TTN: variants seen among roughly 807,000 people sequenced by gnomAD.
The protein encoded by TTN is titin.
TTN carries 1,525 observed loss-of-function variants against 3,223.0 expected under a neutral mutation model. The ratio of observed to expected loss-of-function variants is 0.47; its 90% CI spans 0.45 to 0.49. TTN has a LOEUF of 0.49. Among genes scored for constraint, TTN ranks in the 20% least tolerant of loss-of-function variants. The pLI is 0.00. For synonymous variants in TTN, 14,094 were observed against 15,161.0 expected (o/e 0.93, Z 5.17); for missense variants, 40,786 against 43,424.0 (o/e 0.94, Z 5.40).
At position 178,652,393 on chromosome 2, in the gene TTN, C is replaced by T. The variant is rs1355479190; in HGVS notation, c.39128-46G>A. 3 of 1,612,680 alleles carry T rather than the reference C, an allele frequency of 1.9e-6. No homozygotes were observed. The African/African-American group carries it at 4.0e-5, about 22-fold the overall frequency. On this transcript the variant is annotated intron_variant, in intron 202 of 362. Coordinates refer to ENST00000589042, the MANE Select transcript of TTN (RefSeq NM_001267550.2). ...TTACATTTAGGCATTATGAAGACCA[C>T]TAGAAAAATACTTTCCAGAGCAGAA...
chr2:178,710,926 A>G lies in TTN; in HGVS notation c.28175-4T>C, dbSNP rs962561279. 6.2e-7 allele frequency: 1 copy of G among 1,607,396 alleles called. No individual in the cohort carries two copies. Among genetic ancestry groups the G allele is most frequent in the African/African-American group, 1.3e-5 (1 of 74,700 alleles). ...AAGAAGGGTGGGTTCTTCCCCTCTA[A>G]TAGTAGAGCAGAAAGACAAGGTTTC... On this transcript the variant is annotated splice_region_variant and splice_polypyrimidine_tract_variant and intron_variant, in intron 97 of 362. Coordinates refer to ENST00000589042, the MANE Select transcript of TTN (RefSeq NM_001267550.2).
Position 178,728,646 on chromosome 2 carries a change from G to T in TTN, c.19280C>A (p.Pro6427His). 6.2e-7 allele frequency: 1 copy of T among 1,613,234 alleles called. No individual in the cohort carries two copies. Among genetic ancestry groups the T allele is most frequent in the South Asian group, 1.1e-5 (1 of 91,056 alleles). The stretch of plus-strand genomic sequence containing the variant: ...AAAACTCATTGAAAAGTATCTACTG[G>T]GAACTATTTGTTTCCCGTCTTTAAG... ...KWLKDGKQIV[P>H]SRYFSMSFEN... The change falls in exon 66 of 363, where the codon CCC becomes CAC. Residue 6427 changes from proline to histidine, a missense_variant. Coordinates refer to ENST00000589042, the MANE Select transcript of TTN (RefSeq NM_001267550.2).
Position 178,549,872 on chromosome 2 carries a change from A to G in TTN, c.91853-3T>C, listed in dbSNP as rs373555416. On this transcript the variant is annotated splice_region_variant and splice_polypyrimidine_tract_variant and intron_variant, in intron 337 of 362. Coordinates refer to ENST00000589042, the MANE Select transcript of TTN (RefSeq NM_001267550.2). ...CCCAACTACTTTTCCTGGTGTATCTATAAGAAAAAGTTTCTAGAGTTAGTT... is the reference window on the plus strand; with the variant it reads ...CCCAACTACTTTTCCTGGTGTATCTGTAAGAAAAAGTTTCTAGAGTTAGTT... 3.2e-6 allele frequency: 5 copies of G among 1,548,062 alleles called. No homozygotes were observed. Among genetic ancestry groups the G allele is most frequent in the Non-Finnish European group, 8.7e-7 (1 of 1,151,344 alleles).
At position 178,778,015 on chromosome 2, in the gene TTN, A is replaced by G. The variant is rs752307956; in HGVS notation, c.4209-40T>C. The G allele has an allele frequency of 1.1e-5, 17 of 1,601,428 alleles. No individual in the cohort carries two copies. The South Asian group carries it at 1.3e-4, about 13-fold the overall frequency. On this transcript the variant is annotated intron_variant, in intron 24 of 362. Transcript: ENST00000589042. ...CACACAATACTTTCGTGAGGCATAA[A>G]GAAAACTCAGCAAAACAAACTTCAT...
rs745992545 is a variant in TTN, at chr2:178,580,535, A to G, written c.66844T>C (p.Tyr22282His). ...ILRAGVTMRLYVPVKGRPPPK... is the reference protein window; with the variant it reads ...ILRAGVTMRLHVPVKGRPPPK... ...GGTGGGCGTCCTTTTACTGGTACAT[A>G]TAGTCTCATAGTAACTCCAGCACGT... Residue 22282 changes from tyrosine to histidine, a missense_variant, in exon 317 of 363, where the codon TAT becomes CAT. By Grantham distance (83) the Tyr-to-His change is moderately conservative. Coordinates refer to ENST00000589042, the MANE Select transcript of TTN (RefSeq NM_001267550.2). 1.7e-5 allele frequency: 27 copies of G among 1,612,704 alleles called. No individual in the cohort carries two copies. The African/African-American group carries it at 3.6e-4, about 22-fold the overall frequency.
In TTN at chr2:178,718,487, C is replaced by T. The variant is rs756813056; in HGVS notation, c.24619G>A (p.Asp8207Asn). 21 of 1,613,612 alleles carry T rather than the reference C, an allele frequency of 1.3e-5. No homozygotes were observed. The Admixed American group carries it at 2.7e-4, about 20-fold the overall frequency. Residue 8207 changes from aspartate (D) to asparagine (N), a missense_variant, in exon 85 of 363, where the codon GAC becomes AAC. Asp to Asn is a conservative substitution (Grantham distance 23, BLOSUM62 1). Coordinates refer to ENST00000589042, the MANE Select transcript of TTN (RefSeq NM_001267550.2). ...TCAGATTGTGAAATAAGATACTCGT[C>T]CTTTATCCAGCTCACTGAGATTGGA... ...TPPISVSWIKDEYLISQSERC... is the reference protein window; with the variant it reads ...TPPISVSWIKNEYLISQSERC...
In TTN at chr2:178,728,536, C is replaced by T. The variant is rs755082868; in HGVS notation, c.19390G>A (p.Gly6464Arg). ...AAGTAGGCATCACAGCTACTGCTTCCGAAGTCATTTTCCACCTTGAAAGTG... is the reference window on the plus strand; with the variant it reads ...AAGTAGGCATCACAGCTACTGCTTCTGAAGTCATTTTCCACCTTGAAAGTG... ...QYTFKVENDF[G>R]SSSCDAYLRV... Residue 6464 changes from glycine to arginine, a missense_variant, in exon 66 of 363, where the codon GGA becomes AGA. Gly to Arg is a moderately radical substitution (Grantham distance 125, BLOSUM62 -2). Transcript: ENST00000589042. 13 of 1,612,350 alleles carry T rather than the reference C, an allele frequency of 8.1e-6. No individual in the cohort carries two copies. The highest frequency in any genetic ancestry group is 1.7e-5 in the Admixed American group (1 of 59,836).
At position 178,611,549 on chromosome 2, in the gene TTN, C is replaced by T. The variant is rs754878640; in HGVS notation, c.50680G>A (p.Val16894Ile). ...ACTCTCATCCATTTCTCAGTGCCTA[C>T]TGGACACATTTCAACATGGTATCCT... ...IIGYHVEMCP[V>I]GTEKWMRVNS... The change falls in exon 269 of 363, where the codon GTA (valine) becomes ATA (isoleucine). Residue 16894 changes from valine to isoleucine, a missense_variant. Physicochemically the swap from Val to Ile is conservative, Grantham distance 29 (BLOSUM62 3). Coordinates refer to ENST00000589042, the MANE Select transcript of TTN (RefSeq NM_001267550.2). 1.2e-6 allele frequency: 2 copies of T among 1,612,932 alleles called. No homozygotes were observed. The highest frequency in any genetic ancestry group is 1.7e-5 in the Admixed American group (1 of 59,938).
rs1298764368 is a variant in TTN at position 178,714,071 on chromosome 2, A to G, written c.26587T>C (p.Trp8863Arg). ...VAGTPELSTK[W>R]FKDGKELTSD... The stretch of plus-strand genomic sequence containing the variant: ...GTTAGCTCTTTTCCATCCTTAAACC[A>G]CTTAGTACTGAGTTCAGGGGTGCCA... The change falls in exon 92 of 363, where the codon TGG (tryptophan) becomes CGG (arginine). Residue 8863 changes from tryptophan to arginine, a missense_variant. Coordinates refer to ENST00000589042, the MANE Select transcript of TTN (RefSeq NM_001267550.2). 1 of 1,613,532 alleles carries G rather than the reference A, an allele frequency of 6.2e-7. No individual in the cohort carries two copies. The highest frequency in any genetic ancestry group is 8.5e-7 in the Non-Finnish European group (1 of 1,179,706).
intron 163 of TTN, 57 bp downstream of exon 163, chr2:178,666,767 G>T: frequency 7.1e-7 from 1 of 1,402,518 alleles, no homozygotes; most frequent in Non-Finnish European, 9.6e-7. Flanking sequence ...ATTTTTACAT[G>T]TGTTAAGTAC....
chr2:178,646,107 TATATATATATATATATA>T lies in TTN; in HGVS notation c.40298-94_40298-78del, dbSNP rs2061920683. 73 of 85,284 alleles carry T rather than the reference TATATATATATATATATA, an allele frequency of 8.6e-4. 2 individuals carry two copies. The highest frequency in any genetic ancestry group is 3.3e-3 in the African/African-American group (62 of 19,008). The allele number at this position is 85,284 out of a possible 1,614,324, so 5.3% of individuals were successfully genotyped here. On this transcript the variant is annotated intron_variant, in intron 216 of 362. Coordinates refer to ENST00000589042, the MANE Select transcript of TTN (RefSeq NM_001267550.2). ...TATGTAGTATATTTAATAGAAATTA[TATATATATATATATATA>T]TATATATATATATATATATATATGA...
rs2154180290 is a variant in TTN at position 178,585,070 on chromosome 2, A to G, written c.64672+2T>C. ...TGGCCATTTGTCTAATACTTAACTT[A>G]CCCATGACTACAACTTTGATTTTCT... On this transcript the variant is annotated splice_donor_variant, in intron 309 of 362. Transcript: ENST00000589042. LOFTEE classifies it high-confidence loss of function. 1 of 1,604,710 alleles carries G rather than the reference A, an allele frequency of 6.2e-7. No homozygotes were observed. The highest frequency in any genetic ancestry group is 8.5e-7 in the Non-Finnish European group (1 of 1,175,676).
At position 178,653,089 on chromosome 2, in the gene TTN, T is replaced by C; in HGVS notation, c.38827A>G (p.Lys12943Glu). The change falls in exon 199 of 363, where the codon AAA becomes GAA. Residue 12943 changes from lysine (K) to glutamate (E), a missense_variant. By Grantham distance (56) the Lys-to-Glu change is moderately conservative. Transcript: ENST00000589042. ...EAPKEVVPEK[K>E]VPVTPPKKPE... ...TTTTTAGGAGGAGTCACTGGCACTT[T>C]CTTTTCAGGAACAACTTCTTTGGGA... 1 of 1,613,158 alleles carries C rather than the reference T, an allele frequency of 6.2e-7. No homozygotes were observed. Among genetic ancestry groups the C allele is most frequent in the Non-Finnish European group, 8.5e-7 (1 of 1,179,534 alleles).
Position 178,545,822 on chromosome 2 carries a change from A to C in TTN, c.95414T>G (p.Phe31805Cys), listed in dbSNP as rs1696834808. 2 of 1,612,740 alleles carry C rather than the reference A, an allele frequency of 1.2e-6. No individual in the cohort carries two copies. The highest frequency in any genetic ancestry group is 3.3e-5 in the Admixed American group (2 of 59,964). Residue 31805 changes from phenylalanine to cysteine, a missense_variant and splice_region_variant, in exon 343 of 363, where the codon TTC becomes TGC. Phe to Cys is a radical substitution (Grantham distance 205). Coordinates refer to ENST00000589042, the MANE Select transcript of TTN (RefSeq NM_001267550.2). ...TATTTAAAAGTGTTAATACTTACTG[A>C]ATGAGTTTCTGGCTACAATTGGCTC... ...ESEPIVARNS[F>C]TIPSPPGIPE...
In TTN at chr2:178,549,858, T is replaced by C. The variant is rs756685124; in HGVS notation, c.91864A>G (p.Lys30622Glu). The part of the protein sequence containing the change: ...IKVKVQDTPG[K>E]VVGPIRFTNI... The stretch of plus-strand genomic sequence containing the variant: ...GTGAATCTTATTGGCCCAACTACTT[T>C]TCCTGGTGTATCTATAAGAAAAAGT... The change falls in exon 338 of 363, where the codon AAA (lysine) becomes GAA (glutamate). Residue 30622 changes from lysine (K) to glutamate (E), a missense_variant. By Grantham distance (56) the Lys-to-Glu change is moderately conservative. Transcript: ENST00000589042. The C allele has an allele frequency of 4.5e-6, 7 of 1,566,398 alleles. No individual in the cohort carries two copies. The highest frequency in any genetic ancestry group is 6.0e-6 in the Non-Finnish European group (7 of 1,158,364).
chr2:178,570,503 C>G lies in TTN; in HGVS notation c.75629G>C (p.Gly25210Ala). 1 of 1,613,290 alleles carries G rather than the reference C, an allele frequency of 6.2e-7. No individual in the cohort carries two copies. The highest frequency in any genetic ancestry group is 8.5e-7 in the Non-Finnish European group (1 of 1,179,588). The part of the protein sequence containing the change: ...KVLDRPGPPE[G>A]PVVISGVTAE... The stretch of plus-strand genomic sequence containing the variant: ...TGTAACTCCTGAGATAACAACAGGT[C>G]CTTCAGGTGGCCCTGGTCTGTCAAG... The change falls in exon 326 of 363, where the codon GGA becomes GCA. Residue 25210 changes from glycine to alanine, a missense_variant. By Grantham distance (60) the Gly-to-Ala change is moderately conservative. Transcript: ENST00000589042.
intron 259 of TTN, 144 bp downstream of exon 259, chr2:178,615,163 C>G: frequency 9.2e-7 from 1 of 1,086,754 alleles, no homozygotes; most frequent in Non-Finnish European, 1.3e-6. Flanking sequence ...GCAGTACATT[C>G]AGCAGCACCT....
chr2:178,696,110 T>C lies in TTN; in HGVS notation c.30962A>G (p.Tyr10321Cys), dbSNP rs779859496. The change falls in exon 114 of 363, where the codon TAT (tyrosine) becomes TGT (cysteine). Residue 10321 changes from tyrosine (Y) to cysteine (C), a missense_variant. Coordinates refer to ENST00000589042, the MANE Select transcript of TTN (RefSeq NM_001267550.2). ...GTATGGTTCTACCTCCAGTTCGTCA[T>C]AAGGTTCTTCGAAAGATTCAATGAA... ...RVFIESFEEP[Y>C]DELEVEPYTE... The C allele has an allele frequency of 6.4e-7, 1 of 1,551,476 alleles. No individual in the cohort carries two copies. The highest frequency in any genetic ancestry group is 8.7e-7 in the Non-Finnish European group (1 of 1,146,846).
Position 178,738,241 on chromosome 2 carries a change from G to T in TTN, c.14212C>A (p.Arg4738=), listed in dbSNP as rs1311308523. 1.2e-6 allele frequency: 2 copies of T among 1,613,466 alleles called. No individual in the cohort carries two copies. The highest frequency in any genetic ancestry group is 2.2e-5 in the East Asian group (1 of 44,742). The change falls in exon 49 of 363, where the codon CGA becomes AGA. Residue 4738 remains arginine, a synonymous_variant. Transcript: ENST00000589042. ...NVRFQWFKAG[R]EIYESDKCSI... is the part of the protein sequence containing the mutation. ...CACTTGTCACTCTCATAAATTTCTC[G>T]GCCAGCTTTAAACCACTGGAACCGG...
Sources: gnomAD v4.1 joint callset for allele counts on GRCh38, gnomAD v4.1.1 for gene constraint, MANE v1.5 for transcripts, NCBI Gene and HGNC (gene_info 2026-07-23, HGNC 2026-07-21) for gene names.